The following UBN1 variants were observed in gnomAD, a reference collection of about 807,000 sequenced individuals.
UBN1 encodes the protein ubinuclein-1.
A neutral mutation model predicts 108.5 loss-of-function variants in UBN1; 17 were observed. The observed-to-expected ratio is 0.16, with a 90% confidence interval of 0.11 to 0.24. UBN1 has a LOEUF of 0.24. Among genes scored for constraint, UBN1 ranks in the 10% least tolerant of loss-of-function variants. UBN1 has a pLI of 1.00. For synonymous variants in UBN1, 726 were observed against 564.2 expected (o/e 1.29, Z -4.07); for missense variants, 1,595 against 1,394.4 (o/e 1.14, Z -2.29).
chr16:4,849,596 C>CTTTTTTTT (rs372351491), intron 1 of UBN1, among the ~76,000 whole-genome samples: 3,879 of 150,588 alleles, frequency 0.026, 190 homozygotes, highest in African/African-American at 0.091. Context: ...TTGTTTTTTT[C>CTTTTTTTT]TTTTTTTTGT....
rs144365615 is a variant in UBN1 at position 4,868,850 on chromosome 16, G to T, written c.1128G>T (p.Glu376Asp). The T allele has an allele frequency of 2.4e-5, 38 of 1,613,874 alleles. No individual in the cohort carries two copies. In the African/African-American group the frequency reaches 4.4e-4, roughly 19 times the overall value. ...KELAQAARAAEGESRQKFFTQ... is the reference protein window; with the variant it reads ...KELAQAARAADGESRQKFFTQ... Reference sequence around the variant, plus strand: ...TGCACCAGGCTGCCAGAGCTGCTGAGGGGGAGAGCAGACAGAAGTTCTTCA... The same window carrying T: ...TGCACCAGGCTGCCAGAGCTGCTGATGGGGAGAGCAGACAGAAGTTCTTCA... The change falls in exon 8 of 18, where the codon GAG (glutamate) becomes GAT (aspartate). Residue 376 changes from glutamate (E) to aspartate (D), a missense_variant. This residue lies in a region of UBN1 where 1,398 missense variants were observed against 1,194.7 expected (regional missense o/e 1.17). Coordinates refer to ENST00000262376, the MANE Select transcript of UBN1 (RefSeq NM_001079514.3).
chr16:4,861,153 T>G (rs763257659), intron 7 of UBN1, 51 bp downstream of exon 7: 3 of 1,551,262 alleles, frequency 1.9e-6, no homozygotes. Context: ...TTGGGCAGAT[T>G]GCTGTTGGTT....
chr16:4,879,451 A>G (rs976280434), intron 17 of UBN1, among the ~76,000 whole-genome samples: 11 of 152,120 alleles, frequency 7.2e-5, no homozygotes, highest in African/African-American at 2.4e-4. Flanking sequence ...CCTCATCTCT[A>G]AAAAAATTTT....
At chr16:4,850,149 T>G (rs1304278546) in intron 1 of UBN1, among the ~76,000 whole-genome samples, 2 of 152,148 alleles carry the variant, frequency 1.3e-5, no homozygotes, top group Non-Finnish European at 2.9e-5. Flanking sequence ...CTTAAATGTT[T>G]CAAATGGCTT....
chr16:4,865,986 T>A (rs180772158), intron 7 of UBN1, among the ~76,000 whole-genome samples: 2 of 151,954 alleles, frequency 1.3e-5, no homozygotes, highest in African/African-American at 4.8e-5. Flanking sequence ...AATAAAAAAA[T>A]AAAAAATAAT....
Position 4,880,522 on chromosome 16 carries a change from C to T in UBN1, c.*390C>T, listed in dbSNP as rs2088046855. 5.0e-6 allele frequency: 1 copy of T among 201,608 alleles called. No individual in the cohort carries two copies. Among genetic ancestry groups the T allele is most frequent in the Non-Finnish European group, 1.1e-5 (1 of 95,088 alleles). 12.5% of individuals were successfully genotyped at this position (201,608 alleles called of 1,614,324 possible). On this transcript the variant is annotated 3_prime_UTR_variant, in exon 18 of 18. Transcript: ENST00000262376. Reference sequence around the variant, plus strand: ...TTGGTCAGAGTACCTCAGAGCACCCCACTGCTCAGGGGCTCCTTCTGGCTG... The same window carrying T: ...TTGGTCAGAGTACCTCAGAGCACCCTACTGCTCAGGGGCTCCTTCTGGCTG...
rs2086258340 is a variant in UBN1 at position 4,847,613 on chromosome 16, A to C, written c.-637A>C. On this transcript the variant is annotated 5_prime_UTR_variant, in exon 1 of 18. Coordinates refer to ENST00000262376, the MANE Select transcript of UBN1 (RefSeq NM_001079514.3). ...GGCTCGCCCCGCCCCCGGGTCTTGGACTCCGCGCCCCTCCCCTCTCGGCGC... is the reference window on the plus strand; with the variant it reads ...GGCTCGCCCCGCCCCCGGGTCTTGGCCTCCGCGCCCCTCCCCTCTCGGCGC... 3 of 303,716 alleles carry C rather than the reference A, an allele frequency of 9.9e-6. No individual in the cohort carries two copies. The highest frequency in any genetic ancestry group is 1.8e-5 in the Non-Finnish European group (3 of 164,600). 18.8% of individuals were successfully genotyped at this position (303,716 alleles called of 1,614,324 possible).
At chr16:4,862,508 A>G (rs1273828334) in intron 7 of UBN1, among the ~76,000 whole-genome samples, 1 of 152,198 alleles carries the variant, frequency 6.6e-6, no homozygotes, top group African/African-American at 2.4e-5. Context: ...CTGCTGTCCT[A>G]TATTTGCTCT....
intron 7 of UBN1, among the ~76,000 whole-genome samples, chr16:4,862,249 G>A (rs1360183401): frequency 2.6e-5 from 4 of 152,160 alleles, no homozygotes; most frequent in Non-Finnish European, 4.4e-5. Flanking sequence ...TTAGGGCAGG[G>A]TAAATTGTCA....
Position 4,870,643 on chromosome 16 carries a change from G to C in UBN1, c.1430+9G>C. The C allele has an allele frequency of 6.2e-7, 1 of 1,613,990 alleles. No homozygotes were observed. Among genetic ancestry groups the C allele is most frequent in the Non-Finnish European group, 8.5e-7 (1 of 1,179,976 alleles). On this transcript the variant is annotated intron_variant, in intron 10 of 17. Transcript: ENST00000262376. ...CAGGCAAAGGTTGCCAAGTAAGTTT[G>C]TCCTGGCGCTTGCAGGTGCAACCCT...
At position 4,875,333 on chromosome 16, in the gene UBN1, G is replaced by A. The variant is rs766000805; in HGVS notation, c.2923G>A (p.Gly975Arg). ...GGTAGCCCCTCCAGGCGGTCCAAAC[G>A]GAGATTCCAGTGGTGGGACCCAGGG... is the stretch of plus-strand genomic sequence containing the variant. Reference protein sequence around the residue: ...TLVAPPGGPNGDSSGGTQGVA... With the variant: ...TLVAPPGGPNRDSSGGTQGVA... Residue 975 changes from glycine to arginine, a missense_variant, in exon 15 of 18, where the codon GGA (glycine) becomes AGA (arginine). Gly to Arg is a moderately radical substitution (Grantham distance 125). This residue lies in a region of UBN1 where 1,398 missense variants were observed against 1,194.7 expected (regional missense o/e 1.17). Transcript: ENST00000262376. The A allele has an allele frequency of 9.9e-6, 16 of 1,614,090 alleles. No homozygotes were observed. The East Asian group carries it at 1.3e-4, about 13-fold the overall frequency.
chr16:4,874,960 A>G lies in UBN1; in HGVS notation c.2550A>G (p.Lys850=). Residue 850 remains lysine (K), a synonymous_variant, in exon 15 of 18, where the codon AAA becomes AAG. Coordinates refer to ENST00000262376, the MANE Select transcript of UBN1 (RefSeq NM_001079514.3). ...SLLQLVKTAA[K]GQGFHPSAPA... ...TGCAGTTAGTGAAGACAGCGGCCAA[A>G]GGCCAGGGCTTCCATCCCTCTGCAC... 6.2e-7 allele frequency: 1 copy of G among 1,614,172 alleles called. No homozygotes were observed. The highest frequency in any genetic ancestry group is 1.1e-5 in the South Asian group (1 of 91,092).
chr16:4,848,253 C>T (rs986502770), intron 1 of UBN1, 43 bp downstream of exon 1: 1 of 152,210 alleles, frequency 6.6e-6, no homozygotes, highest in African/African-American at 2.4e-5. Context: ...TTAGCCTTGC[C>T]CTAGTTTTGC....
chr16:4,858,476 C>T (rs1436159337), intron 3 of UBN1, 92 bp from the exon 4 acceptor site: 3 of 1,147,544 alleles, frequency 2.6e-6, no homozygotes, highest in Admixed American at 1.9e-5. Context: ...TAGTGCATTA[C>T]CTCTTTGAGT....
chr16:4,870,481 T>A, intron 9 of UBN1, 35 bp from the exon 10 acceptor site: 1 of 1,613,868 alleles, frequency 6.2e-7, no homozygotes, highest in Non-Finnish European at 8.5e-7. Flanking sequence ...GAGCGATGTG[T>A]AAACCTGCCT....
intron 1 of UBN1, among the ~76,000 whole-genome samples, chr16:4,848,740 C>T (rs1487412075): frequency 1.3e-5 from 2 of 152,182 alleles, no homozygotes; most frequent in Admixed American, 1.3e-4. Flanking sequence ...AAAAATTTAA[C>T]ATAAGTTCCT....
At chr16:4,860,608 A>G (rs2087014957) in intron 6 of UBN1, 56 bp from the exon 7 acceptor site, 1 of 1,529,246 alleles carries the variant, frequency 6.5e-7, no homozygotes, top group African/African-American at 1.4e-5. Context: ...AGGCCTCTGG[A>G]GTTCCCTTTG....
chr16:4,851,489 A>T (rs1302308003), intron 1 of UBN1, among the ~76,000 whole-genome samples: 1 of 151,980 alleles, frequency 6.6e-6, no homozygotes, highest in Non-Finnish European at 1.5e-5. Context: ...CTTCTATAAG[A>T]TCTGGTTGGA....
intron 8 of UBN1, among the ~76,000 whole-genome samples, chr16:4,869,989 G>T (rs1445952735): frequency 2.6e-5 from 4 of 152,196 alleles, no homozygotes; most frequent in Non-Finnish European, 5.9e-5. Flanking sequence ...TGACCTAAGA[G>T]CCTTGGCCCA....
Sources: allele counts gnomAD v4.1 joint callset (sites outside exome capture counted in the v4.1 genomes callset), GRCh38; gene constraint gnomAD v4.1.1; regional missense constraint gnomAD v4.1.1; transcripts MANE v1.5; gene names NCBI Gene and HGNC (gene_info 2026-07-23, HGNC 2026-07-21).